RPGR: variants seen among roughly 807,000 people sequenced by gnomAD.
The protein encoded by RPGR is retinitis pigmentosa GTPase regulator, also known as X-linked retinitis pigmentosa GTPase regulator.
RPGR carries 10 observed loss-of-function variants against 56.3 expected under a neutral mutation model. The ratio of observed to expected loss-of-function variants is 0.18; its 90% confidence interval spans 0.11 to 0.30. The LOEUF (loss-of-function observed/expected upper bound fraction) is 0.30, where lower values mean the gene tolerates loss of function less well. Ranked by LOEUF, RPGR falls within the 10% of genes least tolerant of loss-of-function variation. The pLI is 1.00. For missense variants in RPGR, 538 were observed against 590.9 expected (o/e 0.91, Z 0.93); for synonymous variants, 197 against 212.9 (o/e 0.93, Z 0.65).
chrX:38,301,481 A>C, intron 8 of RPGR, 110 bp from the exon 9 acceptor site: 1 of 732,013 alleles, frequency 1.4e-6, no homozygotes. Flanking sequence ...TCCCCCTCAA[A>C]TTCTGCCTTG....
intron 1 of RPGR, among the ~76,000 whole-genome samples, chrX:38,325,173 C>CA (rs1170174575): frequency 0.063 from 2,565 of 40,577 alleles, 108 homozygotes; most frequent in African/African-American, 0.16. Flanking sequence ...GACTCCGTCT[C>CA]AAAAAAAAAA....
rs938448900 is a variant in RPGR, at chrX:38,296,223, G to A, written c.1414+1061C>T. 6 of 111,356 alleles carry A rather than the reference G, an allele frequency of 5.4e-5. No individual in the cohort carries two copies. The East Asian group carries it at 1.4e-3, about 26-fold the overall frequency. The allele number at this position is 111,356 out of a possible 1,213,427, so 9.2% of individuals were successfully genotyped here. A position where few individuals can be genotyped will look rare whatever the true frequency, so the allele number is the denominator to read the frequency against. On this transcript the variant is annotated intron_variant, in intron 11 of 18. Transcript: ENST00000642395. ...CCAGCTACTCAGGAGACTGAGGCAG[G>A]AGAATGGCTTGAACCCAGGAGGCAG...
chrX:38,319,136 G>C (rs113915122), intron 4 of RPGR, 149 bp from the exon 5 acceptor site: 6 of 595,423 alleles, frequency 1.0e-5, no homozygotes, highest in African/African-American at 4.6e-5. Flanking sequence ...TCATTTCATC[G>C]TCAAAATAAA....
intron 11 of RPGR, chrX:38,296,021 T>A (rs908340670): frequency 8.9e-6 from 1 of 112,353 alleles, no homozygotes; most frequent in Non-Finnish European, 1.9e-5. Flanking sequence ...CTTCAAAAAT[T>A]ATTTGCCATT....
At chrX:38,298,623 AAGTC>A (rs1225803847) in intron 10 of RPGR, among the ~76,000 whole-genome samples, 2 of 111,873 alleles carry the variant, frequency 1.8e-5, no homozygotes, top group African/African-American at 6.5e-5. Flanking sequence ...AACAAAGTGA[AAGTC>A]AGTCCACATG....
intron 18 of RPGR, chrX:38,273,276 G>A (rs1601898141): frequency 3.6e-6 from 2 of 558,327 alleles, no homozygotes; most frequent in South Asian, 2.7e-5. Flanking sequence ...TCAGGTTTTG[G>A]GGCCATGAAA....
Position 38,299,098 on chromosome X carries a change from TGAG to T in RPGR, c.1100_1102del (p.Pro367del), listed in dbSNP as rs1357261084. 8.3e-7 allele frequency: 1 copy of T among 1,209,837 alleles called. No homozygotes were observed. Among genetic ancestry groups the T allele is most frequent in the African/African-American group, 1.7e-5 (1 of 57,226 alleles). On this transcript the variant is annotated inframe_deletion, in exon 10 of 19. Coordinates refer to ENST00000642395, the MANE Select transcript of RPGR (RefSeq NM_000328.3). ...TTCAATTTCTTTTGCCACACCACGA[TGAG>T]GAGCAGCAAAAACTACCATGTGACA...
At chrX:38,308,565 A>G (rs1002013206) in intron 7 of RPGR, among the ~76,000 whole-genome samples, 13 of 111,985 alleles carry the variant, frequency 1.2e-4, no homozygotes, top group African/African-American at 3.9e-4. Flanking sequence ...ATGACCTATT[A>G]AATTAATTCT....
intron 17 of RPGR, chrX:38,274,941 C>A (rs2066906547): frequency 4.2e-6 from 2 of 478,756 alleles, no homozygotes; most frequent in South Asian, 3.3e-5. Context: ...TATTTCATAG[C>A]TTGTTATGAG....
chrX:38,278,917 A>G (rs903380068), intron 15 of RPGR, among the ~76,000 whole-genome samples: 1 of 112,278 alleles, frequency 8.9e-6, no homozygotes, highest in Non-Finnish European at 1.9e-5. Context: ...TTATAAAAAG[A>G]CACGTGGGAG....
intron 11 of RPGR, among the ~76,000 whole-genome samples, chrX:38,294,759 C>T (rs1243099873): frequency 8.9e-6 from 1 of 112,523 alleles, no homozygotes; most frequent in Non-Finnish European, 1.9e-5. Context: ...CTTTAATTCA[C>T]ACGTATGTGT....
rs144635565 is a variant in RPGR at position 38,297,331 on chromosome X, T to C, written c.1367A>G (p.Gln456Arg). Residue 456 changes from glutamine (Q) to arginine (R), a missense_variant, in exon 11 of 19, where the codon CAA (glutamine) becomes CGA (arginine). Coordinates refer to ENST00000642395, the MANE Select transcript of RPGR (RefSeq NM_000328.3). ...GTCCTGTTCAGATAAGACACTCTCTTGGAGGTTTCTCTCAGAACATCGTGG... is the reference window on the plus strand; with the variant it reads ...GTCCTGTTCAGATAAGACACTCTCTCGGAGGTTTCTCTCAGAACATCGTGG... 0.012 allele frequency: 14,454 copies of C among 1,208,127 alleles called. 73 individuals carry two copies. The highest frequency in any genetic ancestry group is 0.014 in the Non-Finnish European group (12,911 of 894,674).
At chrX:38,304,928 C>A in intron 7 of RPGR, 138 bp from the exon 8 acceptor site, 1 of 517,786 alleles carries the variant, frequency 1.9e-6, no homozygotes, top group Non-Finnish European at 3.3e-6. Context: ...TTTAAGAATA[C>A]TTAATATTGA....
chrX:38,276,533 A>C, intron 16 of RPGR: 1 of 1,143,949 alleles, frequency 8.7e-7, no homozygotes, highest in Non-Finnish European at 1.2e-6. Context: ...CAGAAACTAG[A>C]GAACCCATAT....
intron 5 of RPGR, chrX:38,317,928 A>G (rs2067856922): frequency 8.8e-6 from 1 of 113,603 alleles, no homozygotes; most frequent in African/African-American, 3.2e-5. Context: ...AGAACAGAAG[A>G]AACGTATTTC....
chrX:38,312,433 T>C (rs2067736367), intron 6 of RPGR, among the ~76,000 whole-genome samples: 1 of 110,970 alleles, frequency 9.0e-6, no homozygotes, highest in Non-Finnish European at 1.9e-5. Context: ...ACCCACACAA[T>C]ATCAGATGCA....
At chrX:38,280,812 GGT>G (rs1243755902) in intron 15 of RPGR, among the ~76,000 whole-genome samples, 1 of 110,003 alleles carries the variant, frequency 9.1e-6, no homozygotes, top group African/African-American at 3.3e-5. Context: ...TGCGATTACA[GGT>G]GTGAGTCACC....
At chrX:38,309,279 A>C (rs1334664990) in intron 7 of RPGR, among the ~76,000 whole-genome samples, 1 of 111,876 alleles carries the variant, frequency 8.9e-6, no homozygotes, top group Non-Finnish European at 1.9e-5. Context: ...TGTAATTTAA[A>C]ACCATACCAC....
chrX:38,297,761 A>G (rs922586524), intron 10 of RPGR, among the ~76,000 whole-genome samples: 3 of 111,802 alleles, frequency 2.7e-5, no homozygotes, highest in African/African-American at 9.8e-5. Flanking sequence ...AACAACAACT[A>G]CAAAACACTG....
Sources: gnomAD v4.1 joint callset for allele counts (sites outside exome capture counted in the v4.1 genomes callset) on GRCh38, gnomAD v4.1.1 for gene constraint, MANE v1.5 for transcripts, NCBI Gene and HGNC (gene_info 2026-07-23, HGNC 2026-07-21) for gene names.